The following CCDC93 variants were observed in gnomAD, a reference collection of about 807,000 sequenced individuals.
CCDC93 encodes coiled-coil domain-containing protein 93.
CCDC93 carries 61 observed loss-of-function variants against 108.2 expected under a neutral mutation model. The ratio of observed to expected loss-of-function variants is 0.56; its 90% CI spans 0.46 to 0.70. CCDC93 has a LOEUF of 0.70. CCDC93 is among the 30% of genes least tolerant of loss of function. The probability of loss-of-function intolerance (pLI) is 0.00; values close to 1 mark genes in which losing one functional copy is unlikely to be tolerated. For synonymous variants in CCDC93, 276 were observed against 260.4 expected (o/e 1.06, Z -0.58); for missense variants, 685 against 764.2 (o/e 0.90, Z 1.22).
At chr2:117,977,067 C>A (rs1164894911) in intron 8 of CCDC93, among the ~76,000 whole-genome samples, 1 of 151,804 alleles carries the variant, frequency 6.6e-6, no homozygotes, top group Non-Finnish European at 1.5e-5. Flanking sequence ...TCCCGAGTAG[C>A]TGGGACTACA....
chr2:117,964,393 C>G (rs760576614), intron 11 of CCDC93, among the ~76,000 whole-genome samples: 1 of 152,150 alleles, frequency 6.6e-6, no homozygotes, highest in Non-Finnish European at 1.5e-5. Context: ...TCCCTCTCTT[C>G]CTTTCTTCTT....
intron 2 of CCDC93, among the ~76,000 whole-genome samples, chr2:118,008,078 T>C (rs1225013889): frequency 6.6e-6 from 1 of 152,256 alleles, no homozygotes; most frequent in Non-Finnish European, 1.5e-5. Context: ...CCTATTACTA[T>C]GATTTGTGCA....
chr2:117,995,416 C>T, intron 6 of CCDC93, 30 bp downstream of exon 6: 2 of 1,570,480 alleles, frequency 1.3e-6, no homozygotes, highest in Non-Finnish European at 1.8e-6. Flanking sequence ...ACGCAGGACT[C>T]TGACAGAAGA....
rs558190507 is a variant in CCDC93, at chr2:117,949,105, G to A, written c.1142+217C>T. 4.5e-4 allele frequency among the ~76,000 whole-genome samples: 69 copies of A among 152,244 alleles called. No individual in the cohort carries two copies. The Middle Eastern group carries it at 0.017, about 38-fold the overall frequency. ...AACTATGCTGCTTCTGTACACAAGG[G>A]GTATTGGGAAAAAGGTGACTAACCC... is the stretch of plus-strand genomic sequence containing the variant. On this transcript the variant is annotated intron_variant, in intron 14 of 23. Transcript: ENST00000376300.
chr2:117,980,791 G>A (rs1390599858), intron 7 of CCDC93, among the ~76,000 whole-genome samples: 2 of 152,202 alleles, frequency 1.3e-5, no homozygotes, highest in African/African-American at 2.4e-5. Context: ...CGCTATTATC[G>A]AAATCAAGAA....
intron 2 of CCDC93, among the ~76,000 whole-genome samples, chr2:118,008,043 C>T (rs548506471): frequency 6.6e-6 from 1 of 152,328 alleles, no homozygotes; most frequent in South Asian, 2.1e-4. Context: ...AACTGTGCCT[C>T]TGTTTTTTCT....
At position 117,947,909 on chromosome 2, in the gene CCDC93, T is replaced by C. The variant is rs1678925190; in HGVS notation, c.1224+196A>G. The C allele has an allele frequency of 1.1e-5, 6 of 523,044 alleles. No homozygotes were observed. In the South Asian group the frequency reaches 1.3e-4, roughly 11 times the overall value. 32.4% of individuals were successfully genotyped at this position (523,044 alleles called of 1,614,324 possible). A position where few individuals can be genotyped will look rare whatever the true frequency, so the allele number is the denominator to read the frequency against. Reference sequence around the variant, plus strand: ...CGGGGTTTCACAGTGTTAGCCAGGATGGTCTCGATCTCCTGACCTCGTGAT... The same window carrying C: ...CGGGGTTTCACAGTGTTAGCCAGGACGGTCTCGATCTCCTGACCTCGTGAT... On this transcript the variant is annotated intron_variant, in intron 15 of 23. Transcript: ENST00000376300.
chr2:117,946,705 A>G (rs1678882839), intron 16 of CCDC93, 106 bp downstream of exon 16: 4 of 738,516 alleles, frequency 5.4e-6, no homozygotes, highest in African/African-American at 3.5e-5. Flanking sequence ...AGGAATGTCT[A>G]TTTACAGGAT....
chr2:117,950,615 G>A, intron 13 of CCDC93: 1 of 985,436 alleles, frequency 1.0e-6, no homozygotes, highest in Non-Finnish European at 1.2e-6. Context: ...AATCTGGGAA[G>A]CCTGGAATGA....
rs969718782 is a variant in CCDC93 at position 117,939,031 on chromosome 2, C to A, written c.1603G>T (p.Glu535Ter). The A allele has an allele frequency of 6.4e-7, 1 of 1,560,466 alleles. No homozygotes were observed. Among genetic ancestry groups the A allele is most frequent in the Non-Finnish European group, 8.8e-7 (1 of 1,132,936 alleles). ...LDDKKVYLEK[E>*]ISLLNSIHEN... The stretch of plus-strand genomic sequence containing the variant: ...TTTCTTTTTATAAATGTTCTTACCT[C>A]TTTTTCCAAATAAACCTTTTTATCA... The change falls in exon 20 of 24, where the codon GAG becomes TAG. Residue 535 changes from glutamate to a stop codon, truncating the protein, a stop_gained and splice_region_variant. Coordinates refer to ENST00000376300, the MANE Select transcript of CCDC93 (RefSeq NM_019044.5). LOFTEE classifies it high-confidence loss of function.
At chr2:117,951,236 C>T (rs903397259) in intron 13 of CCDC93, 1 of 985,216 alleles carries the variant, frequency 1.0e-6, no homozygotes, top group African/African-American at 1.7e-5. Flanking sequence ...ACAGAGGGCT[C>T]CCAACCCGCA....
intron 18 of CCDC93, among the ~76,000 whole-genome samples, chr2:117,941,858 A>C (rs1266974573): frequency 1.3e-5 from 2 of 152,220 alleles, no homozygotes; most frequent in Non-Finnish European, 2.9e-5. Context: ...GGCATGGTAC[A>C]GGGGCAGCTG....
intron 13 of CCDC93, chr2:117,950,255 C>T (rs772729797): frequency 1.0e-6 from 1 of 985,286 alleles, no homozygotes; most frequent in East Asian, 1.1e-4. Context: ...ACAGACATAA[C>T]CTTAAAAAAG....
intron 11 of CCDC93, among the ~76,000 whole-genome samples, chr2:117,960,076 A>G (rs144028121): frequency 1.6e-3 from 249 of 152,318 alleles, no homozygotes; most frequent in African/African-American, 5.8e-3. Flanking sequence ...TATGTTATGT[A>G]TTTAATAGCT....
intron 23 of CCDC93, among the ~76,000 whole-genome samples, chr2:117,926,143 C>T (rs1409013734): frequency 6.6e-6 from 1 of 152,028 alleles, no homozygotes; most frequent in Non-Finnish European, 1.5e-5. Context: ...ATTTATAGCA[C>T]TAAATGCCCA....
intron 2 of CCDC93, 130 bp from the exon 3 acceptor site, chr2:118,006,946 G>C (rs1412210332): frequency 1.6e-6 from 1 of 629,720 alleles, no homozygotes; most frequent in Non-Finnish European, 2.9e-6. Context: ...TCTTGAGAGA[G>C]AGAGTGTGTG....
chr2:117,971,041 T>G (rs1679743372), intron 11 of CCDC93, among the ~76,000 whole-genome samples: 1 of 152,182 alleles, frequency 6.6e-6, no homozygotes, highest in African/African-American at 2.4e-5. Flanking sequence ...CTGCGCTGTA[T>G]TAACACATAA....
At chr2:117,940,343 G>C (rs1678658189) in intron 19 of CCDC93, among the ~76,000 whole-genome samples, 1 of 152,134 alleles carries the variant, frequency 6.6e-6, no homozygotes, top group Admixed American at 6.5e-5. Flanking sequence ...GAAGAATTTA[G>C]CCTGACAGAA....
intron 11 of CCDC93, among the ~76,000 whole-genome samples, chr2:117,967,497 T>C (rs1679625115): frequency 1.3e-5 from 2 of 152,206 alleles, no homozygotes; most frequent in South Asian, 2.1e-4. Context: ...TAGCTACCAA[T>C]AGCCCAAGGT....
Sources: gnomAD v4.1 joint callset for allele counts (sites outside exome capture counted in the v4.1 genomes callset) on GRCh38, gnomAD v4.1.1 for gene constraint, MANE v1.5 for transcripts, NCBI Gene and HGNC (gene_info 2026-07-23, HGNC 2026-07-21) for gene names.